Variants in RARB observed in about 807,000 individuals in gnomAD.
RARB encodes the protein HBV-activated protein.
RARB carries 17 observed loss-of-function variants against 51.9 expected under a neutral mutation model. That is an observed-to-expected ratio of 0.33 (90% CI 0.22 to 0.49). The LOEUF is 0.49. Ranked by LOEUF, RARB falls within the 20% of genes least tolerant of loss-of-function variation. The pLI, the probability that RARB is intolerant of heterozygous loss-of-function variation, is 0.99. For synonymous variants in RARB, 215 were observed against 195.4 expected (o/e 1.10, Z -0.84); for missense variants, 369 against 550.8 (o/e 0.67, Z 3.30).
At chr3:25,218,846 G>A (rs1051892409) in intron 5 of RARB, among the ~76,000 whole-genome samples, 6 of 152,124 alleles carry the variant, frequency 3.9e-5, no homozygotes, top group South Asian at 2.1e-4. Flanking sequence ...ACTAACACTC[G>A]ACTTTGCTTA....
At chr3:25,368,729 A>C (rs1706209874) in intron 5 of RARB, among the ~76,000 whole-genome samples, 3 of 152,344 alleles carry the variant, frequency 2.0e-5, no homozygotes, top group Middle Eastern at 3.4e-3. Flanking sequence ...TGTCCATTAC[A>C]TCTAAATGAA....
chr3:25,397,244 T>G (rs1459459130), intron 5 of RARB, among the ~76,000 whole-genome samples: 1 of 152,192 alleles, frequency 6.6e-6, no homozygotes, highest in East Asian at 1.9e-4. Context: ...ACCTTTATGT[T>G]TCACTTGGCT....
intron 4 of RARB, among the ~76,000 whole-genome samples, chr3:25,142,282 C>G (rs1314455121): frequency 6.6e-6 from 1 of 152,122 alleles, no homozygotes; most frequent in Non-Finnish European, 1.5e-5. Context: ...TGCAGTTAAC[C>G]TAGATCGTGC....
chr3:25,240,122 T>C (rs1702396267), intron 5 of RARB, among the ~76,000 whole-genome samples: 1 of 152,098 alleles, frequency 6.6e-6, no homozygotes, highest in African/African-American at 2.4e-5. Context: ...GCATTCTTGA[T>C]TTCATTCTCG....
At chr3:25,042,912 T>C (rs1424552354) in intron 2 of RARB, among the ~76,000 whole-genome samples, 1 of 152,234 alleles carries the variant, frequency 6.6e-6, no homozygotes, top group Non-Finnish European at 1.5e-5. Flanking sequence ...TTTATAATTT[T>C]CTCAGCTCTG....
At chr3:25,355,228 C>G (rs1234872260) in intron 5 of RARB, among the ~76,000 whole-genome samples, 1 of 152,076 alleles carries the variant, frequency 6.6e-6, no homozygotes, top group Non-Finnish European at 1.5e-5. Flanking sequence ...GACATCCTGT[C>G]AGAATCAAGC....
chr3:24,899,246 C>T (rs1019646037), intron 2 of RARB, among the ~76,000 whole-genome samples: 9 of 152,092 alleles, frequency 5.9e-5, no homozygotes, highest in Non-Finnish European at 8.8e-5. Context: ...CCTGTGTGAC[C>T]GCACAGATCA....
At chr3:25,191,993 A>G (rs997358254) in intron 5 of RARB, among the ~76,000 whole-genome samples, 4 of 152,120 alleles carry the variant, frequency 2.6e-5, no homozygotes, top group Admixed American at 2.0e-4. Context: ...ATATCGAATC[A>G]CGGCAGTTAT....
At chr3:25,364,932 A>G (rs1235514954) in intron 5 of RARB, among the ~76,000 whole-genome samples, 2 of 152,038 alleles carry the variant, frequency 1.3e-5, no homozygotes, top group African/African-American at 4.8e-5. Context: ...AACTTCCCTT[A>G]CACTTCTGAC....
At chr3:25,244,198 C>T (rs1394340333) in intron 5 of RARB, among the ~76,000 whole-genome samples, 2 of 150,284 alleles carry the variant, frequency 1.3e-5, no homozygotes, top group Non-Finnish European at 3.0e-5. Context: ...GATTCTTCTC[C>T]TTTTCTTCTT....
At chr3:24,872,891 T>A (rs944280415) in intron 2 of RARB, among the ~76,000 whole-genome samples, 1 of 152,210 alleles carries the variant, frequency 6.6e-6, no homozygotes, top group Non-Finnish European at 1.5e-5. Context: ...TCCCTGCGCG[T>A]TGACTCTCAC....
rs1017649406 is a variant in RARB at position 25,370,660 on chromosome 3, TG to T, written c.179-90530del. Among the ~76,000 whole-genome samples, 24 of 152,008 alleles carry T rather than the reference TG, an allele frequency of 1.6e-4. 1 individual carries two copies. Among genetic ancestry groups the T allele is most frequent in the Admixed American group, 1.3e-4 (2 of 15,248 alleles). On this transcript the variant is annotated intron_variant, in intron 5 of 11. Transcript: ENST00000383772. ...GGGAAGTAGTTGCAGAACCTGGGGA[TG>T]GGTAGGAGAGGAGGCAGAGGCCAAT...
At chr3:25,054,714 G>A (rs1559449373) in intron 2 of RARB, among the ~76,000 whole-genome samples, 1 of 129,524 alleles carries the variant, frequency 7.7e-6, no homozygotes, top group African/African-American at 2.7e-5. Context: ...AGCACAAACT[G>A]TGGAGCACAA....
intron 2 of RARB, among the ~76,000 whole-genome samples, chr3:25,473,933 A>AAAAAAAAAAC (rs58599595): frequency 6.6e-6 from 1 of 150,884 alleles, no homozygotes; most frequent in Non-Finnish European, 1.5e-5. Flanking sequence ...AAAAAAAAAA[A>AAAAAAAAAAC]CCTTTATCTT....
At chr3:25,396,189 G>A (rs1240909832) in intron 5 of RARB, among the ~76,000 whole-genome samples, 1 of 152,210 alleles carries the variant, frequency 6.6e-6, no homozygotes, top group Admixed American at 6.5e-5. Flanking sequence ...GGGAGGGTCT[G>A]TAAAGAGTCC....
chr3:25,544,731 G>C (rs1182078749), intron 3 of RARB, among the ~76,000 whole-genome samples: 1 of 152,038 alleles, frequency 6.6e-6, no homozygotes, highest in Non-Finnish European at 1.5e-5. Flanking sequence ...ATATCTCCAA[G>C]GGGCTGCTAC....
chr3:25,268,071 T>G (rs925649140), intron 5 of RARB, among the ~76,000 whole-genome samples: 23 of 152,308 alleles, frequency 1.5e-4, no homozygotes, highest in African/African-American at 5.5e-4. Context: ...GATTTGTAAA[T>G]AAAATTTTAT....
rs1280173396 is a variant in RARB, at chr3:25,421,409, T to C, written c.179-39784T>C. 3.6e-3 allele frequency among the ~76,000 whole-genome samples: 478 copies of C among 132,822 alleles called. 6 individuals are homozygous for C. Among genetic ancestry groups the C allele is most frequent in the African/African-American group, 0.014 (452 of 33,434 alleles). 87.1% of individuals were successfully genotyped at this position (132,822 alleles called of 152,430 possible). On this transcript the variant is annotated intron_variant, in intron 5 of 11. Coordinates refer to the RARB transcript ENST00000383772. ...TAACATTTTTTCTTCTTTTCTTTTT[T>C]TTTTTTTTTTTTTTTTTTTTTTGAG...
At chr3:25,389,481 CA>C (rs1456978359) in intron 5 of RARB, among the ~76,000 whole-genome samples, 1 of 152,090 alleles carries the variant, frequency 6.6e-6, no homozygotes, top group Non-Finnish European at 1.5e-5. Flanking sequence ...AAAAGGGTGC[CA>C]GCAATAGGAC....
Sources: gnomAD v4.1 joint callset for allele counts (sites outside exome capture counted in the v4.1 genomes callset) on GRCh38, gnomAD v4.1.1 for gene constraint, MANE v1.5 for transcripts, NCBI Gene and HGNC (gene_info 2026-07-23, HGNC 2026-07-21) for gene names.